Variants in DHCR24 observed in about 807,000 individuals in gnomAD.
DHCR24 encodes the protein delta(24)-sterol reductase.
DHCR24 carries 28 observed loss-of-function variants against 61.2 expected under a neutral mutation model. The observed-to-expected ratio is 0.46, with a 90% CI of 0.34 to 0.63. DHCR24 has a LOEUF of 0.63. Ranked by LOEUF, DHCR24 falls within the 20% of genes least tolerant of loss-of-function variation. The pLI is 0.01. For missense variants in DHCR24, 538 were observed against 679.1 expected, an observed-to-expected ratio of 0.79 and a Z score of 2.31; for synonymous variants, 261 against 275.9, an observed-to-expected ratio of 0.95 and a Z score of 0.54.
At chr1:54,855,966 A>G (rs966230698) in intron 6 of DHCR24, among the ~76,000 whole-genome samples, 4 of 148,026 alleles carry the variant, frequency 2.7e-5, no homozygotes, top group African/African-American at 9.9e-5. Flanking sequence ...AATGGCAAGC[A>G]TTGGTAAGAA....
rs145398245 is a variant in DHCR24, at chr1:54,875,170, T to C, written c.535A>G (p.Lys179Glu). ...MGTGIESSSHKYGLFQHICTA... is the reference protein window; with the variant it reads ...MGTGIESSSHEYGLFQHICTA... ...CAGATGTGTTGGAACAGGCCGTACTTGTGGGATGATGACTCGATGCCTGTG... is the reference window on the plus strand; with the variant it reads ...CAGATGTGTTGGAACAGGCCGTACTCGTGGGATGATGACTCGATGCCTGTG... Residue 179 changes from lysine to glutamate, a missense_variant, in exon 4 of 9, where the codon AAG (lysine) becomes GAG (glutamate). Coordinates refer to ENST00000371269, the MANE Select transcript of DHCR24 (RefSeq NM_014762.4). 1.2e-6 allele frequency: 2 copies of C among 1,614,016 alleles called. No homozygotes were observed. Among genetic ancestry groups the C allele is most frequent in the African/African-American group, 2.7e-5 (2 of 74,896 alleles).
intron 2 of DHCR24, among the ~76,000 whole-genome samples, chr1:54,876,951 T>C (rs1381109047): frequency 6.6e-6 from 1 of 151,794 alleles, no homozygotes; most frequent in Non-Finnish European, 1.5e-5. Context: ...GTAAGAAGTA[T>C]AGTGGTTCTG....
chr1:54,862,168 G>C (rs1570185720), intron 6 of DHCR24, among the ~76,000 whole-genome samples: 1 of 151,818 alleles, frequency 6.6e-6, no homozygotes, highest in East Asian at 1.9e-4. Flanking sequence ...TCACTGTCAT[G>C]ACTGCCATCT....
At chr1:54,872,896 G>A (rs777735817) in intron 4 of DHCR24, among the ~76,000 whole-genome samples, 9 of 152,132 alleles carry the variant, frequency 5.9e-5, no homozygotes, top group Non-Finnish European at 8.8e-5. Flanking sequence ...CTTTCCTTGG[G>A]CCCTCTTCTG....
intron 2 of DHCR24, among the ~76,000 whole-genome samples, chr1:54,878,580 A>T (rs919368785): frequency 6.7e-6 from 1 of 150,096 alleles, no homozygotes; most frequent in Non-Finnish European, 1.5e-5. Context: ...CACACAGGGC[A>T]GGAGATAGTG....
chr1:54,851,942 T>C lies in DHCR24; in HGVS notation c.*291A>G. The C allele has an allele frequency of 2.1e-6, 1 of 474,022 alleles. No individual in the cohort carries two copies. Among genetic ancestry groups the C allele is most frequent in the Non-Finnish European group, 3.9e-6 (1 of 257,508 alleles). The allele number at this position is 474,022 out of a possible 1,614,324, so 29.4% of individuals were successfully genotyped here. The stretch of plus-strand genomic sequence containing the variant: ...AGTAGGTATTACTATCCCTTTCAAC[T>C]AATGAAGAGACCCGGGCTCAGAGGG... On this transcript the variant is annotated 3_prime_UTR_variant, in exon 9 of 9. Transcript: ENST00000371269.
rs1646870012 is a variant in DHCR24, at chr1:54,850,668, G to C, written c.*1565C>G. 6.6e-6 allele frequency: 1 copy of C among 152,216 alleles called. No individual in the cohort carries two copies. The highest frequency in any genetic ancestry group is 1.5e-5 in the Non-Finnish European group (1 of 68,038). The allele number at this position is 152,216 out of a possible 1,614,324, so 9.4% of individuals were successfully genotyped here. On this transcript the variant is annotated 3_prime_UTR_variant, in exon 9 of 9. Transcript: ENST00000371269. ...GAGCTGACCTTGGGGTTGAAGGAAGGATCTTGAATGACAGATAATCCCCAA... is the reference window on the plus strand; with the variant it reads ...GAGCTGACCTTGGGGTTGAAGGAAGCATCTTGAATGACAGATAATCCCCAA...
intron 2 of DHCR24, among the ~76,000 whole-genome samples, chr1:54,878,383 G>T (rs1194223508): frequency 5.3e-5 from 8 of 151,570 alleles, no homozygotes; most frequent in Non-Finnish European, 1.0e-4. Context: ...GCGTGGTGGT[G>T]GGTGCCTGTA....
chr1:54,856,470 G>A (rs1391097850), intron 6 of DHCR24, among the ~76,000 whole-genome samples: 2 of 152,054 alleles, frequency 1.3e-5, no homozygotes, highest in East Asian at 1.9e-4. Context: ...GCGTGGTGGC[G>A]GGTGCGTGTA....
rs1381880867 is a variant in DHCR24, at chr1:54,851,864, T to G, written c.*369A>C. On this transcript the variant is annotated 3_prime_UTR_variant, in exon 9 of 9. Transcript: ENST00000371269. ...ACGGGAAGCAACAAGAGCTACCACT[T>G]ACCCAGCACCTTCAATGTGACCAGT... is the stretch of plus-strand genomic sequence containing the variant. The G allele has an allele frequency of 3.5e-6, 1 of 285,996 alleles. No individual in the cohort carries two copies. The highest frequency in any genetic ancestry group is 2.2e-5 in the African/African-American group (1 of 46,058). 17.7% of individuals were successfully genotyped at this position (285,996 alleles called of 1,614,324 possible).
chr1:54,858,212 T>C (rs1029157848), intron 6 of DHCR24, among the ~76,000 whole-genome samples: 96 of 152,400 alleles, frequency 6.3e-4, no homozygotes, highest in Non-Finnish European at 8.4e-4. Flanking sequence ...CAGGGAGAAC[T>C]GCCCTTGGCA....
intron 4 of DHCR24, 41 bp downstream of exon 4, chr1:54,875,052 C>T (rs369688530): frequency 6.4e-7 from 1 of 1,560,650 alleles, no homozygotes; most frequent in Non-Finnish European, 8.8e-7. Flanking sequence ...CCTTAATGCC[C>T]AGAGCAGGCT....
chr1:54,860,021 G>C (rs1255627470), intron 6 of DHCR24, among the ~76,000 whole-genome samples: 1 of 152,066 alleles, frequency 6.6e-6, no homozygotes, highest in Non-Finnish European at 1.5e-5. Flanking sequence ...AGACTAATGG[G>C]TGTGGGGGAG....
rs1282134898 is a variant in DHCR24 at position 54,865,356 on chromosome 1, G to T, written c.967C>A (p.Pro323Thr). The T allele has an allele frequency of 2.5e-6, 4 of 1,614,132 alleles. No homozygotes were observed. Among genetic ancestry groups the T allele is most frequent in the Non-Finnish European group, 3.4e-6 (4 of 1,180,024 alleles). ...TGGCGGTGGTAGTAGTGTCTCAAGG[G>T]AATGTACTCCAGGCCCTCTCGGTTT... ...KTNREGLEYI[P>T]LRHYYHRHTR... The change falls in exon 6 of 9, where the codon CCC becomes ACC. Residue 323 changes from proline (P) to threonine (T), a missense_variant. Pro to Thr is a conservative substitution (Grantham distance 38). Coordinates refer to ENST00000371269, the MANE Select transcript of DHCR24 (RefSeq NM_014762.4).
chr1:54,854,225 G>A lies in DHCR24; in HGVS notation c.1030C>T (p.Pro344Ser), dbSNP rs1452340051. Residue 344 changes from proline to serine, a missense_variant, in exon 7 of 9, where the codon CCC (proline) becomes TCC (serine). Transcript: ENST00000371269. The part of the protein sequence containing the change: ...SIFWELQDII[P>S]FGNNPIFRYL... ...CGGAAGATGGGGTTGTTGCCAAAGG[G>A]GATAATGTCCTGGAAAACAAAGATT... is the stretch of plus-strand genomic sequence containing the variant. The A allele has an allele frequency of 6.2e-7, 1 of 1,613,552 alleles. No individual in the cohort carries two copies. The highest frequency in any genetic ancestry group is 8.5e-7 in the Non-Finnish European group (1 of 1,179,786).
intron 3 of DHCR24, 115 bp from the exon 4 acceptor site, chr1:54,875,326 G>T: frequency 1.1e-6 from 1 of 876,830 alleles, no homozygotes; most frequent in Non-Finnish European, 1.9e-6. Flanking sequence ...TAGCAGAAAT[G>T]GGGCTGTTGA....
At chr1:54,856,901 G>A (rs1228447215) in intron 6 of DHCR24, among the ~76,000 whole-genome samples, 1 of 152,148 alleles carries the variant, frequency 6.6e-6, no homozygotes, top group Non-Finnish European at 1.5e-5. Flanking sequence ...CCAGCACAAT[G>A]TGACATCAAA....
chr1:54,879,234 G>T (rs952110103), intron 2 of DHCR24, among the ~76,000 whole-genome samples: 1 of 148,316 alleles, frequency 6.7e-6, no homozygotes, highest in Non-Finnish European at 1.5e-5. Flanking sequence ...CAGGAGAATC[G>T]CTGGAACCCA....
At position 54,853,467 on chromosome 1, in the gene DHCR24, C is replaced by A; in HGVS notation, c.1364G>T (p.Arg455Met). Residue 455 changes from arginine (R) to methionine (M), a missense_variant, in exon 8 of 9, where the codon AGG (arginine) becomes ATG (methionine). Physicochemically the swap from Arg to Met is moderately conservative, Grantham distance 91 (BLOSUM62 -1). Transcript: ENST00000371269. ...GCTGCGGACAAACTTCTCCAGCTGC[C>A]TCATGCAGGACCTGGCTTCAAAGTG... ...VKHFEARSCM[R>M]QLEKFVRSVH... The A allele has an allele frequency of 6.2e-7, 1 of 1,614,210 alleles. No individual in the cohort carries two copies. The highest frequency in any genetic ancestry group is 8.5e-7 in the Non-Finnish European group (1 of 1,180,030).
Sources: gnomAD v4.1 joint callset for allele counts (sites outside exome capture counted in the v4.1 genomes callset) on GRCh38, gnomAD v4.1.1 for gene constraint, MANE v1.5 for transcripts, NCBI Gene and HGNC (gene_info 2026-07-23, HGNC 2026-07-21) for gene names.